The following CTNNA2 variants were observed in gnomAD, a reference collection of about 807,000 sequenced individuals.
CTNNA2 encodes catenin alpha 2.
Under a neutral mutation model 101.0 loss-of-function variants are expected in CTNNA2, and 42 were observed. The ratio of observed to expected loss-of-function variants is 0.42; its 90% CI spans 0.32 to 0.54. The LOEUF is 0.54. CTNNA2 is among the 20% of genes least tolerant of loss of function. The pLI is 0.14. For synonymous variants in CTNNA2, 450 were observed against 456.4 expected, an observed-to-expected ratio of 0.99 and a Z score of 0.18; for missense variants, 871 against 1,223.1, an observed-to-expected ratio of 0.71 and a Z score of 4.29.
rs1029906838 is a variant in CTNNA2 at position 79,932,482 on chromosome 2, CT to C, written c.1056+22698del. 3.6e-3 allele frequency among the ~76,000 whole-genome samples: 502 copies of C among 140,296 alleles called. 1 individual carries two copies. The highest frequency in any genetic ancestry group is 8.9e-3 in the African/African-American group (344 of 38,472). The allele number at this position is 140,296 out of a possible 152,430, so 92.0% of individuals were successfully genotyped here. A position where few individuals can be genotyped will look rare whatever the true frequency, so the allele number is the denominator to read the frequency against. The stretch of plus-strand genomic sequence containing the variant: ...TGCTGAGATACTTGTGTGTGAGATT[CT>C]TTTTTTTTTTTTCTTTTTTTGGTGT... On this transcript the variant is annotated intron_variant, in intron 7 of 18. Coordinates refer to ENST00000402739, the MANE Select transcript of CTNNA2 (RefSeq NM_001282597.3).
At chr2:79,473,792 T>C (rs917329334) in intron 4 of CTNNA2, among the ~76,000 whole-genome samples, 11 of 152,126 alleles carry the variant, frequency 7.2e-5, no homozygotes, top group Non-Finnish European at 1.5e-4. Flanking sequence ...AGACAAAAAC[T>C]TGGATCTACT....
At chr2:80,500,538 C>A (rs565556031) in intron 9 of CTNNA2, among the ~76,000 whole-genome samples, 1 of 152,176 alleles carries the variant, frequency 6.6e-6, no homozygotes, top group Non-Finnish European at 1.5e-5. Flanking sequence ...TTACATAATA[C>A]CTCAATGATC....
chr2:79,770,538 T>C (rs1673499220), intron 3 of CTNNA2, among the ~76,000 whole-genome samples: 1 of 152,216 alleles, frequency 6.6e-6, no homozygotes, highest in Non-Finnish European at 1.5e-5. Flanking sequence ...ACAAAAATAC[T>C]GTCTGCACAC....
chr2:79,967,542 A>G (rs1021780371), intron 7 of CTNNA2, among the ~76,000 whole-genome samples: 16 of 152,164 alleles, frequency 1.1e-4, no homozygotes, highest in South Asian at 2.1e-4. Context: ...GCACGTGAAA[A>G]CATCCCATTT....
At chr2:80,184,702 C>G (rs979326064) in intron 7 of CTNNA2, among the ~76,000 whole-genome samples, 1 of 152,126 alleles carries the variant, frequency 6.6e-6, no homozygotes, top group Non-Finnish European at 1.5e-5. Context: ...GTGTGCCTGT[C>G]TTTTCTATAC....
intron 7 of CTNNA2, among the ~76,000 whole-genome samples, chr2:79,936,047 G>T (rs1461021857): frequency 6.6e-6 from 1 of 152,186 alleles, no homozygotes; most frequent in Non-Finnish European, 1.5e-5. Flanking sequence ...AAAATGAAAG[G>T]CTTATGCTTA....
At chr2:80,178,408 G>C (rs1705535562) in intron 7 of CTNNA2, among the ~76,000 whole-genome samples, 1 of 152,190 alleles carries the variant, frequency 6.6e-6, no homozygotes, top group East Asian at 1.9e-4. Flanking sequence ...TCAAAAAGGA[G>C]ATTAGTTATC....
intron 18 of CTNNA2, among the ~76,000 whole-genome samples, chr2:80,631,858 C>T (rs539677146): frequency 6.6e-5 from 10 of 152,052 alleles, no homozygotes; most frequent in South Asian, 4.2e-4. Flanking sequence ...TAGAATGATG[C>T]GCCTAAAGTG....
chr2:79,397,890 A>G (rs1012299345), intron 4 of CTNNA2, among the ~76,000 whole-genome samples: 1 of 152,018 alleles, frequency 6.6e-6, no homozygotes, highest in Non-Finnish European at 1.5e-5. Context: ...TATCTTCCTA[A>G]TACCTTCATT....
At chr2:80,320,527 A>AC (rs1194410628) in intron 7 of CTNNA2, among the ~76,000 whole-genome samples, 6 of 151,784 alleles carry the variant, frequency 4.0e-5, no homozygotes, top group Non-Finnish European at 7.4e-5. Flanking sequence ...ATTTGAATTC[A>AC]CCCCCCGATG....
intron 3 of CTNNA2, among the ~76,000 whole-genome samples, chr2:79,370,272 A>C (rs1030380587): frequency 9.9e-5 from 15 of 152,232 alleles, no homozygotes; most frequent in Admixed American, 7.9e-4. Context: ...AAGATCACTC[A>C]GAAATTATGT....
chr2:79,893,996 CTTCTTCTTCT>C (rs1684494284), intron 6 of CTNNA2, among the ~76,000 whole-genome samples: 10 of 52,172 alleles, frequency 1.9e-4, no homozygotes, highest in African/African-American at 5.3e-4. Flanking sequence ...CTGTTTTCTT[CTTCTTCTTCT>C]TCTTCTTCTT....
intron 2 of CTNNA2, among the ~76,000 whole-genome samples, chr2:79,673,758 A>G (rs75134254): frequency 1.3e-5 from 2 of 152,198 alleles, no homozygotes; most frequent in East Asian, 1.9e-4. Flanking sequence ...GATTACTTCT[A>G]TGATCCTTTT....
chr2:80,464,055 A>G (rs1684663773), intron 9 of CTNNA2, among the ~76,000 whole-genome samples: 1 of 151,864 alleles, frequency 6.6e-6, no homozygotes, highest in Non-Finnish European at 1.5e-5. Context: ...CAACAGGTTT[A>G]CTCTTATTGG....
intron 14 of CTNNA2, among the ~76,000 whole-genome samples, chr2:80,583,175 G>C (rs1389339368): frequency 6.6e-6 from 1 of 152,112 alleles, no homozygotes; most frequent in Non-Finnish European, 1.5e-5. Flanking sequence ...TTACCTGATA[G>C]GATTCTTATG....
chr2:80,123,330 C>T (rs1701946891), intron 7 of CTNNA2, among the ~76,000 whole-genome samples: 5 of 151,864 alleles, frequency 3.3e-5, no homozygotes, highest in South Asian at 4.2e-4. Context: ...TGCAGAAACA[C>T]ATATTACAGG....
At chr2:79,730,466 T>C (rs1687128202) in intron 2 of CTNNA2, among the ~76,000 whole-genome samples, 1 of 152,046 alleles carries the variant, frequency 6.6e-6, no homozygotes, top group Admixed American at 6.6e-5. Flanking sequence ...TTTTTTTTCT[T>C]AGAACTTAGT....
At chr2:79,323,528 CA>C (rs67495637) in intron 3 of CTNNA2, among the ~76,000 whole-genome samples, 22,012 of 150,026 alleles carry the variant, frequency 0.15, 1,686 homozygotes, top group East Asian at 0.17. Flanking sequence ...ATACTTTCTT[CA>C]AAAAAAAATA....
At chr2:79,803,628 C>T (rs1405164413) in intron 3 of CTNNA2, among the ~76,000 whole-genome samples, 1 of 152,248 alleles carries the variant, frequency 6.6e-6, no homozygotes, top group African/African-American at 2.4e-5. Flanking sequence ...CCACAACCTT[C>T]CAGTGCTGGT....
Sources: allele counts gnomAD v4.1 joint callset (sites outside exome capture counted in the v4.1 genomes callset), GRCh38; gene constraint gnomAD v4.1.1; transcripts MANE v1.5; gene names NCBI Gene and HGNC (gene_info 2026-07-23, HGNC 2026-07-21).